Variants in PCDHGC5 observed in about 807,000 individuals in gnomAD.
The protein encoded by PCDHGC5 is protocadherin gamma-C5.
A neutral mutation model predicts 59.0 loss-of-function variants in PCDHGC5; 25 were observed. The observed-to-expected ratio is 0.42, with a 90% CI of 0.31 to 0.59. The LOEUF (loss-of-function observed/expected upper bound fraction) is 0.59, where lower values mean the gene tolerates loss of function less well. Ranked by LOEUF, PCDHGC5 falls within the 20% of genes least tolerant of loss-of-function variation. PCDHGC5 has a pLI of 0.13. For missense variants in PCDHGC5, 1,067 were observed against 1,206.4 expected, an observed-to-expected ratio of 0.88 and a Z score of 1.71; for synonymous variants, 434 against 505.5, an observed-to-expected ratio of 0.86 and a Z score of 1.90.
Position 141,489,898 on chromosome 5 carries a change from C to T in PCDHGC5, c.658C>T (p.Pro220Ser). Residue 220 changes from proline (P) to serine (S), a missense_variant, in exon 1 of 4, where the codon CCA becomes TCA. Transcript: ENST00000252087. The surrounding 1 kb of genome is among the most constrained non-coding windows in gnomAD (Gnocchi z 4.5). ...LVLTAVDGGT[P>S]ARSGTTLISV... ...GCTTACTGCTGTGGATGGGGGGACC[C>T]CAGCCCGCTCAGGGACCACCCTTAT... 6.2e-7 allele frequency: 1 copy of T among 1,614,216 alleles called. No homozygotes were observed. Among genetic ancestry groups the T allele is most frequent in the Non-Finnish European group, 8.5e-7 (1 of 1,180,036 alleles).
intron 2 of PCDHGC5, 22 bp downstream of exon 2, chr5:141,494,887 C>T (rs116522768): frequency 0.014 from 22,125 of 1,614,118 alleles, 208 homozygotes; most frequent in Middle Eastern, 0.021. Context: ...ATTCTCCAGC[C>T]CACCCTCTTC....
intron 2 of PCDHGC5, among the ~76,000 whole-genome samples, chr5:141,500,259 A>G (rs1595658540): frequency 6.6e-6 from 1 of 151,044 alleles, no homozygotes; most frequent in East Asian, 2.0e-4. Context: ...CCCAGGCTGG[A>G]CTGCAGTGGC....
chr5:141,498,093 G>T (rs975304630), intron 2 of PCDHGC5, among the ~76,000 whole-genome samples: 4 of 152,220 alleles, frequency 2.6e-5, no homozygotes, highest in Admixed American at 1.3e-4. Context: ...AATTGTATCT[G>T]GTGGTGTGGG....
At chr5:141,495,236 A>G (rs2099759742) in intron 2 of PCDHGC5, among the ~76,000 whole-genome samples, 1 of 152,168 alleles carries the variant, frequency 6.6e-6, no homozygotes, top group South Asian at 2.1e-4. Flanking sequence ...GGGCTCCATT[A>G]TGACCTGGGG....
chr5:141,489,405 G>A lies in PCDHGC5; in HGVS notation c.165G>A (p.Lys55=). ...VGNVAQDLGL[K]MTDLLSRRLQ... is the part of the protein sequence containing the mutation. ...ATGTTGCTCAGGATCTGGGCTTAAA[G>A]ATGACAGATCTGTTGAGCCGGCGGC... Residue 55 remains lysine, a synonymous_variant, in exon 1 of 4, where the codon AAG becomes AAA. Transcript: ENST00000252087. This position sits in a 1 kb window ranked among gnomAD's most constrained non-coding sequence, Gnocchi z 4.5. The A allele has an allele frequency of 1.2e-6, 2 of 1,614,204 alleles. No individual in the cohort carries two copies. The highest frequency in any genetic ancestry group is 2.2e-5 in the South Asian group (2 of 91,088).
chr5:141,509,499 T>C (rs895353804), intron 3 of PCDHGC5, among the ~76,000 whole-genome samples: 1 of 152,128 alleles, frequency 6.6e-6, no homozygotes, highest in Non-Finnish European at 1.5e-5. Flanking sequence ...GCATGCTGGA[T>C]GTGACGGTGT....
Position 141,491,968 on chromosome 5 carries a change from G to GC in PCDHGC5, c.2460+270dup. On this transcript the variant is annotated intron_variant, in intron 1 of 3. Coordinates refer to ENST00000252087, the MANE Select transcript of PCDHGC5 (RefSeq NM_018929.3). The surrounding 1 kb of genome is among the most constrained non-coding windows in gnomAD (Gnocchi z 6.9). ...ACCCCTACACTCAAAAAAGGCCGGG[G>GC]CCTCCTTCGAGCTTCCGGTGAATTT... 1.1e-6 allele frequency: 1 copy of GC among 923,644 alleles called. No homozygotes were observed. Among genetic ancestry groups the GC allele is most frequent in the Admixed American group, 3.6e-5 (1 of 27,548 alleles). 57.2% of individuals were successfully genotyped at this position (923,644 alleles called of 1,614,324 possible).
rs951185891 is a variant in PCDHGC5, at chr5:141,494,814, C to T, written c.2468C>T (p.Pro823Leu). 7 of 1,614,152 alleles carry T rather than the reference C, an allele frequency of 4.3e-6. No individual in the cohort carries two copies. The highest frequency in any genetic ancestry group is 1.7e-5 in the Admixed American group (1 of 60,024). Residue 823 changes from proline to leucine, a missense_variant, in exon 2 of 4, where the codon CCG becomes CTG. By Grantham distance (98) the Pro-to-Leu change is moderately conservative (BLOSUM62 -3). Transcript: ENST00000252087. The part of the protein sequence containing the change: ...NTLRERSQQA[P>L]PNTDWRFSQA... ...CCTCTGTTTTCTCCACAGCAAGCCCCGCCCAACACGGACTGGCGTTTCTCT... is the reference window on the plus strand; with the variant it reads ...CCTCTGTTTTCTCCACAGCAAGCCCTGCCCAACACGGACTGGCGTTTCTCT...
Position 141,490,532 on chromosome 5 carries a change from C to T in PCDHGC5, c.1292C>T (p.Ser431Leu). ...IIELLASDAGSPSLHKHLTIR... is the reference protein window; with the variant it reads ...IIELLASDAGLPSLHKHLTIR... Reference sequence around the variant, plus strand: ...GAGCTGCTGGCCAGCGATGCTGGTTCACCTTCCCTACACAAACATCTCACC... The same window carrying T: ...GAGCTGCTGGCCAGCGATGCTGGTTTACCTTCCCTACACAAACATCTCACC... The change falls in exon 1 of 4, where the codon TCA becomes TTA. Residue 431 changes from serine (S) to leucine (L), a missense_variant. Coordinates refer to ENST00000252087, the MANE Select transcript of PCDHGC5 (RefSeq NM_018929.3). This position sits in a 1 kb window ranked among gnomAD's most constrained non-coding sequence, Gnocchi z 5.4. 6.2e-7 allele frequency: 1 copy of T among 1,614,142 alleles called. No homozygotes were observed. Among genetic ancestry groups the T allele is most frequent in the Non-Finnish European group, 8.5e-7 (1 of 1,180,030 alleles).
At chr5:141,505,127 A>C (rs926566427) in intron 2 of PCDHGC5, among the ~76,000 whole-genome samples, 1 of 152,158 alleles carries the variant, frequency 6.6e-6, no homozygotes, top group Non-Finnish European at 1.5e-5. Context: ...GCGCCACTGC[A>C]CTCCAGCCTG....
chr5:141,509,830 T>A (rs1328716142), intron 3 of PCDHGC5, among the ~76,000 whole-genome samples: 1 of 152,204 alleles, frequency 6.6e-6, no homozygotes, highest in African/African-American at 2.4e-5. Flanking sequence ...ATCTTCTCTC[T>A]ACCTCCCATT....
intron 2 of PCDHGC5, among the ~76,000 whole-genome samples, chr5:141,496,703 GT>G (rs1360916053): frequency 6.6e-6 from 1 of 152,132 alleles, no homozygotes; most frequent in East Asian, 1.9e-4. Context: ...CTTCTCATAA[GT>G]TATCCATTAA....
At position 141,501,332 on chromosome 5, in the gene PCDHGC5, CA is replaced by C. The variant is rs1257793029; in HGVS notation, c.2520-4060del. 1.8e-3 allele frequency among the ~76,000 whole-genome samples: 265 copies of C among 149,784 alleles called. 1 individual carries two copies. The highest frequency in any genetic ancestry group is 5.2e-3 in the African/African-American group (209 of 40,512). On this transcript the variant is annotated intron_variant, in intron 2 of 3. Transcript: ENST00000252087. Reference sequence around the variant, plus strand: ...ACACACACACACACACACACACACACACCCCAAACTCAATAGGGCAAGAACC... The same window carrying C: ...ACACACACACACACACACACACACACCCCCAAACTCAATAGGGCAAGAACC...
At chr5:141,505,650 T>C (rs1595974645) in intron 3 of PCDHGC5, among the ~76,000 whole-genome samples, 169 bp downstream of exon 3, 1 of 152,094 alleles carries the variant, frequency 6.6e-6, no homozygotes, top group East Asian at 1.9e-4. Flanking sequence ...GAATTGTGGC[T>C]AAGGAACAGC....
Position 141,489,765 on chromosome 5 carries a change from C to A in PCDHGC5, c.525C>A (p.Asn175Lys). Residue 175 changes from asparagine (N) to lysine (K), a missense_variant, in exon 1 of 4, where the codon AAC becomes AAA. Transcript: ENST00000252087. The surrounding 1 kb of genome is among the most constrained non-coding windows in gnomAD (Gnocchi z 4.5). ...NTVSFYTLSPNSHFSLNVKTL... is the reference protein window; with the variant it reads ...NTVSFYTLSPKSHFSLNVKTL... ...TGAGCTTTTACACTCTAAGCCCCAA[C>A]AGCCACTTCTCTCTGAATGTGAAGA... 2.5e-6 allele frequency: 4 copies of A among 1,614,174 alleles called. No individual in the cohort carries two copies. The highest frequency in any genetic ancestry group is 3.4e-6 in the Non-Finnish European group (4 of 1,179,992).
intron 2 of PCDHGC5, among the ~76,000 whole-genome samples, chr5:141,502,564 C>T (rs2099815067): frequency 1.3e-5 from 2 of 151,774 alleles, no homozygotes; most frequent in East Asian, 1.9e-4. Context: ...CCAGATCTCT[C>T]CATTATAAAA....
At chr5:141,500,991 C>T (rs2099804636) in intron 2 of PCDHGC5, among the ~76,000 whole-genome samples, 1 of 152,024 alleles carries the variant, frequency 6.6e-6, no homozygotes, top group South Asian at 2.1e-4. Flanking sequence ...GCCTCAGCCT[C>T]CTGAGTAGCT....
rs1247067983 is a variant in PCDHGC5, at chr5:141,511,327, C to T, written c.*154C>T. ...CCCTTGGGAAACAGAAACAAGTGCC[C>T]AGTCAGCACCTACCCCTTCCCCCCC... On this transcript the variant is annotated 3_prime_UTR_variant, in exon 4 of 4. Transcript: ENST00000252087. 28 of 1,455,454 alleles carry T rather than the reference C, an allele frequency of 1.9e-5. No individual in the cohort carries two copies. Among genetic ancestry groups the T allele is most frequent in the Admixed American group, 2.4e-5 (1 of 41,734 alleles). 90.2% of individuals were successfully genotyped at this position (1,455,454 alleles called of 1,614,324 possible). A position where few individuals can be genotyped will look rare whatever the true frequency, so the allele number is the denominator to read the frequency against.
chr5:141,509,224 T>G (rs1241668369), intron 3 of PCDHGC5, among the ~76,000 whole-genome samples: 3 of 152,176 alleles, frequency 2.0e-5, no homozygotes, highest in Non-Finnish European at 2.9e-5. Flanking sequence ...AATCCCTGGT[T>G]GATGTCCCAG....
Sources: allele counts gnomAD v4.1 joint callset (sites outside exome capture counted in the v4.1 genomes callset), GRCh38; gene constraint gnomAD v4.1.1; non-coding constraint Gnocchi (gnomAD v3.1); transcripts MANE v1.5; gene names NCBI Gene and HGNC (gene_info 2026-07-23, HGNC 2026-07-21).